Variants in FANCB observed in about 807,000 individuals in gnomAD.
The protein encoded by FANCB is FA complementation group B.
Under a neutral mutation model 38.9 loss-of-function variants are expected in FANCB, and 5 were observed. That is an observed-to-expected ratio of 0.13 (90% CI 0.07 to 0.27). FANCB has a LOEUF of 0.27. Ranked by LOEUF, FANCB falls within the 10% of genes least tolerant of loss-of-function variation. The pLI, the probability that FANCB is intolerant of heterozygous loss-of-function variation, is 1.00. For synonymous variants in FANCB, 236 were observed against 215.4 expected (o/e 1.10, Z -0.84); for missense variants, 573 against 602.7 (o/e 0.95, Z 0.52).
the FANCB span, among the ~76,000 whole-genome samples, chrX:14,763,846 T>C: frequency 9.8e-4 from 109 of 111,705 alleles, no homozygotes; most frequent in Middle Eastern, 9.1e-3. Flanking sequence ...ACTCTTCATA[T>C]TTAATTACAA....
At chrX:14,805,643 T>C in the FANCB span, among the ~76,000 whole-genome samples, 297 of 112,218 alleles carry the variant, frequency 2.6e-3, no homozygotes, top group African/African-American at 8.3e-3. Context: ...GCATTTTGTA[T>C]TTCCTTCTGG....
At chrX:14,757,653 G>A in the FANCB span, among the ~76,000 whole-genome samples, 1 of 111,826 alleles carries the variant, frequency 8.9e-6, no homozygotes, top group Admixed American at 9.4e-5. Flanking sequence ...AAAGTACGGG[G>A]TAGAAGAAGC....
chrX:14,821,966 G>A, the FANCB span, among the ~76,000 whole-genome samples: 2 of 111,793 alleles, frequency 1.8e-5, no homozygotes, highest in African/African-American at 3.3e-5. Flanking sequence ...TTGAAGAGAC[G>A]GGAGAAATCC....
chrX:14,837,778 G>C (rs1411236685), intron 10 of FANCB, among the ~76,000 whole-genome samples: 1 of 112,425 alleles, frequency 8.9e-6, no homozygotes, highest in Non-Finnish European at 1.9e-5. Flanking sequence ...AAAGAGCAAA[G>C]GTTCTGTAGC....
the FANCB span, among the ~76,000 whole-genome samples, chrX:14,756,705 A>T: frequency 9.0e-6 from 1 of 111,631 alleles, no homozygotes; most frequent in Non-Finnish European, 1.9e-5. Flanking sequence ...GCTCACTAGA[A>T]GCAGGGAGCT....
chrX:14,794,361 G>C, the FANCB span, among the ~76,000 whole-genome samples: 2 of 111,253 alleles, frequency 1.8e-5, no homozygotes, highest in South Asian at 3.8e-4. Context: ...CACCAGAGGG[G>C]AAAGGATGAA....
the FANCB span, among the ~76,000 whole-genome samples, chrX:14,775,166 T>TTTTG: frequency 1.4e-5 from 1 of 69,854 alleles, no homozygotes; most frequent in African/African-American, 1.0e-4. Flanking sequence ...TAATGTTTTT[T>TTTTG]TTTTTTTTTT....
chrX:14,861,169 C>A (rs2092445171), intron 3 of FANCB, among the ~76,000 whole-genome samples: 1 of 111,751 alleles, frequency 8.9e-6, no homozygotes, highest in Admixed American at 9.5e-5. Context: ...CAAACGTGGG[C>A]CACTACACCC....
the FANCB span, among the ~76,000 whole-genome samples, chrX:14,707,761 T>C: frequency 1.8e-5 from 2 of 109,816 alleles, no homozygotes; most frequent in Admixed American, 1.9e-4. Flanking sequence ...AAAAAAGGTG[T>C]GTGTGTGTGT....
chrX:14,694,071 GA>G, the FANCB span, among the ~76,000 whole-genome samples: 15 of 110,059 alleles, frequency 1.4e-4, no homozygotes, highest in East Asian at 4.0e-3. Flanking sequence ...GAAAAACTAT[GA>G]AAAAAAACAC....
At chrX:14,782,485 T>C in the FANCB span, among the ~76,000 whole-genome samples, 1 of 112,472 alleles carries the variant, frequency 8.9e-6, no homozygotes, top group Non-Finnish European at 1.9e-5. Flanking sequence ...CTGACCACTG[T>C]CAGTGTATCT....
chrX:14,856,339 T>C (rs541027032), intron 5 of FANCB, among the ~76,000 whole-genome samples: 4 of 112,078 alleles, frequency 3.6e-5, no homozygotes, highest in South Asian at 3.7e-4. Context: ...TCTGAGAAGG[T>C]TGGGTCACTC....
At position 14,873,030 on chromosome X, in the gene FANCB, A is replaced by G. The variant is rs2092508245; in HGVS notation, c.-236T>C. On this transcript the variant is annotated 5_prime_UTR_variant, in exon 1 of 10. Coordinates refer to ENST00000650831, the MANE Select transcript of FANCB (RefSeq NM_001018113.3). ...ACCGGAGGCCCCACGTCGATACGGT[A>G]TCCATCTGCTCCAAACCTCCCGCCA... 1 of 141,738 alleles carries G rather than the reference A, an allele frequency of 7.1e-6. No individual in the cohort carries two copies. The highest frequency in any genetic ancestry group is 1.4e-5 in the Non-Finnish European group (1 of 71,000). 11.7% of individuals were successfully genotyped at this position (141,738 alleles called of 1,213,427 possible).
chrX:14,743,040 T>G, the FANCB span, among the ~76,000 whole-genome samples: 5 of 112,616 alleles, frequency 4.4e-5, no homozygotes, highest in Admixed American at 3.8e-4. Flanking sequence ...TGGAGAAGAA[T>G]AATGGTTTCC....
chrX:14,788,819 G>A, the FANCB span, among the ~76,000 whole-genome samples: 1 of 111,860 alleles, frequency 8.9e-6, no homozygotes, highest in Non-Finnish European at 1.9e-5. Flanking sequence ...GAATAGAGTG[G>A]CCCTAAATCA....
intron 10 of FANCB, among the ~76,000 whole-genome samples, chrX:14,837,572 T>C (rs1030888953): frequency 1.8e-5 from 2 of 112,228 alleles, no homozygotes; most frequent in African/African-American, 3.2e-5. Flanking sequence ...ACTTGCTCAT[T>C]ACAGGATTTA....
At chrX:14,804,931 C>T in the FANCB span, among the ~76,000 whole-genome samples, 1 of 112,304 alleles carries the variant, frequency 8.9e-6, no homozygotes, top group East Asian at 2.8e-4. Context: ...CTCAGCTCTA[C>T]CACTTAACAG....
Position 14,845,037 on chromosome X carries a change from T to C in FANCB, c.1746A>G (p.Thr582=), listed in dbSNP as rs1228686996. The part of the protein sequence containing the change: ...KECVQIITAV[T]SLSPLLTFSK... ...TGAATGTTAAAAGTGGTGAAAGAGA[T>C]GTTACAGCAGTAATTATCTGTACAC... The change falls in exon 8 of 10, where the codon ACA becomes ACG. Residue 582 remains threonine (T), a synonymous_variant. Transcript: ENST00000650831. The C allele has an allele frequency of 2.3e-5, 28 of 1,206,765 alleles. No homozygotes were observed. The highest frequency in any genetic ancestry group is 3.1e-5 in the Non-Finnish European group (28 of 892,085).
chrX:14,766,239 T>C, the FANCB span, among the ~76,000 whole-genome samples: 1 of 112,523 alleles, frequency 8.9e-6, no homozygotes, highest in Non-Finnish European at 1.9e-5. Context: ...AAATATTTAG[T>C]TCATTGATCT....
Sources: allele counts gnomAD v4.1 joint callset (sites outside exome capture counted in the v4.1 genomes callset), GRCh38; gene constraint gnomAD v4.1.1; transcripts MANE v1.5; gene names NCBI Gene and HGNC (gene_info 2026-07-23, HGNC 2026-07-21).